The following ACSL5 variants were observed in gnomAD, a reference collection of about 807,000 sequenced individuals.
ACSL5 encodes long-chain-fatty-acid--CoA ligase 5.
A neutral mutation model predicts 84.9 loss-of-function variants in ACSL5; 50 were observed. That is an observed-to-expected ratio of 0.59 (90% confidence interval 0.47 to 0.75). The LOEUF (loss-of-function observed/expected upper bound fraction) is 0.75, where lower values mean the gene tolerates loss of function less well. Ranked by LOEUF, ACSL5 falls within the 30% of genes least tolerant of loss-of-function variation. ACSL5 has a pLI of 0.00. For synonymous variants in ACSL5, 280 were observed against 300.7 expected (o/e 0.93, Z 0.71); for missense variants, 775 against 830.4 (o/e 0.93, Z 0.82).
At chr10:112,406,822 G>T (rs562201734) in intron 5 of ACSL5, 2 of 152,222 alleles carry the variant, frequency 1.3e-5, no homozygotes, top group Non-Finnish European at 2.9e-5. Context: ...GAGAGCAAAG[G>T]GGGTGGAAAG....
intron 1 of ACSL5, among the ~76,000 whole-genome samples, chr10:112,387,376 A>G (rs1335617196): frequency 6.6e-6 from 1 of 152,240 alleles, no homozygotes; most frequent in East Asian, 1.9e-4. Flanking sequence ...ATATAAAGGA[A>G]AAGGTTATCA....
intron 20 of ACSL5, 99 bp downstream of exon 20, chr10:112,426,958 AT>A: frequency 1.7e-6 from 2 of 1,143,480 alleles, no homozygotes; most frequent in Non-Finnish European, 1.3e-6. Flanking sequence ...TAAGGAATTG[AT>A]TTTAGATTTT....
chr10:112,426,203 G>T, intron 18 of ACSL5, 55 bp from the exon 19 acceptor site: 1 of 1,373,126 alleles, frequency 7.3e-7, no homozygotes, highest in South Asian at 1.2e-5. Context: ...ACTACTGGGG[G>T]ACATCCCTAC....
chr10:112,409,720 C>A, intron 7 of ACSL5, 35 bp downstream of exon 7: 1 of 1,606,378 alleles, frequency 6.2e-7, no homozygotes, highest in Non-Finnish European at 8.5e-7. Flanking sequence ...AGCTCCAATG[C>A]TTGTCCAACA....
chr10:112,426,710 G>A, intron 19 of ACSL5, 78 bp from the exon 20 acceptor site: 1 of 1,262,270 alleles, frequency 7.9e-7, no homozygotes, highest in Non-Finnish European at 1.2e-6. Context: ...GCTTTGACAG[G>A]CACTTTGAGT....
intron 9 of ACSL5, 50 bp downstream of exon 9, chr10:112,410,685 G>T (rs1844157975): frequency 6.3e-7 from 1 of 1,575,842 alleles, no homozygotes; most frequent in Non-Finnish European, 8.6e-7. Context: ...CCAAGAACAT[G>T]GCTTCAATTC....
intron 17 of ACSL5, among the ~76,000 whole-genome samples, chr10:112,423,045 G>A (rs1322282030): frequency 6.9e-6 from 1 of 144,798 alleles, no homozygotes. Flanking sequence ...AAAATTAGCT[G>A]GGCGTGGTGG....
intron 3 of ACSL5, among the ~76,000 whole-genome samples, chr10:112,404,075 G>A (rs554635945): frequency 6.6e-6 from 1 of 152,344 alleles, no homozygotes; most frequent in South Asian, 2.1e-4. Context: ...TTTGGGTGAT[G>A]AGATTGATGA....
chr10:112,425,533 CT>C (rs572920534), intron 18 of ACSL5, 52 bp downstream of exon 18: 5 of 1,365,526 alleles, frequency 3.7e-6, no homozygotes, highest in Non-Finnish European at 4.9e-6. Context: ...CATGCTGGTT[CT>C]TGTAGCTACA....
chr10:112,404,497 T>C lies in ACSL5; in HGVS notation c.266-14T>C. 1.9e-6 allele frequency: 3 copies of C among 1,607,174 alleles called. No homozygotes were observed. Among genetic ancestry groups the C allele is most frequent in the Non-Finnish European group, 1.7e-6 (2 of 1,174,324 alleles). On this transcript the variant is annotated splice_polypyrimidine_tract_variant and intron_variant, in intron 3 of 20. Transcript: ENST00000354655. The stretch of plus-strand genomic sequence containing the variant: ...GCAACTGGAGTTGATTTTCTTTTAA[T>C]ATTATGTTTTTAGACAATGGGCCCT...
chr10:112,383,538 C>T (rs1024229430), intron 1 of ACSL5, among the ~76,000 whole-genome samples: 9 of 152,200 alleles, frequency 5.9e-5, no homozygotes, highest in South Asian at 2.1e-4. Flanking sequence ...GGTTTCTTAT[C>T]GGTTAGAGAA....
At chr10:112,389,351 C>T (rs1849513369) in intron 1 of ACSL5, among the ~76,000 whole-genome samples, 1 of 152,170 alleles carries the variant, frequency 6.6e-6, no homozygotes, top group African/African-American at 2.4e-5. Context: ...TGGAGTGGAT[C>T]AAGGACAAGG....
intron 11 of ACSL5, 44 bp from the exon 12 acceptor site, chr10:112,413,129 G>A: frequency 6.2e-7 from 1 of 1,608,086 alleles, no homozygotes. Context: ...CCCCACTAAA[G>A]GGGTTGTTTG....
chr10:112,410,167 A>G (rs1844144678), intron 7 of ACSL5: 1 of 1,398,300 alleles, frequency 7.2e-7, no homozygotes, highest in Non-Finnish European at 9.4e-7. Flanking sequence ...TTAGCTATTC[A>G]TTTCTTTCAA....
At chr10:112,384,614 C>T (rs1301967583) in intron 1 of ACSL5, among the ~76,000 whole-genome samples, 1 of 152,128 alleles carries the variant, frequency 6.6e-6, no homozygotes, top group African/African-American at 2.4e-5. Flanking sequence ...CTCAAGCGAT[C>T]CTCCCACCTC....
intron 15 of ACSL5, 102 bp from the exon 16 acceptor site, chr10:112,421,845 C>T (rs1844472992): frequency 7.2e-7 from 1 of 1,390,804 alleles, no homozygotes; most frequent in East Asian, 2.3e-5. Context: ...GGTGATTTTT[C>T]AGTCTTCCTC....
intron 6 of ACSL5, 22 bp from the exon 7 acceptor site, chr10:112,409,485 C>G: frequency 1.9e-6 from 3 of 1,611,186 alleles, no homozygotes; most frequent in Non-Finnish European, 2.5e-6. Context: ...GGAATGACCT[C>G]TGGTTCTATT....
At chr10:112,399,142 T>C (rs1589682474) in intron 3 of ACSL5, 133 bp downstream of exon 3, 2 of 737,174 alleles carry the variant, frequency 2.7e-6, no homozygotes, top group Non-Finnish European at 4.6e-6. Context: ...ACATGCAAAA[T>C]AGAGGCAACA....
At chr10:112,415,760 G>A (rs1844300135) in intron 12 of ACSL5, among the ~76,000 whole-genome samples, 1 of 152,238 alleles carries the variant, frequency 6.6e-6, no homozygotes, top group African/African-American at 2.4e-5. Context: ...GATGGATGGA[G>A]AGGGATTCTT....
Sources: gnomAD v4.1 joint callset for allele counts (sites outside exome capture counted in the v4.1 genomes callset) on GRCh38, gnomAD v4.1.1 for gene constraint, MANE v1.5 for transcripts, NCBI Gene and HGNC (gene_info 2026-07-23, HGNC 2026-07-21) for gene names.